Variants in PCDH7 observed in about 807,000 individuals in gnomAD.
PCDH7 encodes protocadherin 7, also known as protocadherin-7.
In PCDH7, 17 loss-of-function variants were observed where a neutral mutation model predicts 58.9. The ratio of observed to expected loss-of-function variants is 0.29; its 90% CI spans 0.20 to 0.43. The LOEUF is 0.43. Ranked by LOEUF, PCDH7 falls within the 20% of genes least tolerant of loss-of-function variation. The pLI is 1.00. For synonymous variants in PCDH7, 664 were observed against 616.4 expected, an observed-to-expected ratio of 1.08 and a Z score of -1.14; for missense variants, 1,274 against 1,441.0, an observed-to-expected ratio of 0.88 and a Z score of 1.88.
chr4:31,006,328 T>C (rs2109144771), intron 3 of PCDH7, among the ~76,000 whole-genome samples: 1 of 152,228 alleles, frequency 6.6e-6, no homozygotes, highest in Non-Finnish European at 1.5e-5. Context: ...ATGCACAAAA[T>C]TGAAAATGAT....
intron 1 of PCDH7, chr4:30,724,896 T>C: frequency 8.5e-7 from 1 of 1,170,356 alleles, no homozygotes; most frequent in Non-Finnish European, 1.1e-6. Context: ...TTTTTTTGTT[T>C]CCAGAATAAA....
intron 3 of PCDH7, among the ~76,000 whole-genome samples, chr4:30,972,400 C>T (rs2109474468): frequency 6.6e-6 from 1 of 151,894 alleles, no homozygotes; most frequent in South Asian, 2.1e-4. Context: ...CTAAGTCTGT[C>T]CTACAGTTAA....
intron 3 of PCDH7, among the ~76,000 whole-genome samples, chr4:31,100,583 A>G (rs973539684): frequency 6.6e-6 from 1 of 152,168 alleles, no homozygotes; most frequent in African/African-American, 2.4e-5. Flanking sequence ...GTATCTTAGG[A>G]ACAATCTGGT....
intron 3 of PCDH7, among the ~76,000 whole-genome samples, chr4:31,055,567 GT>G (rs531705257): frequency 6.6e-6 from 1 of 151,922 alleles, no homozygotes; most frequent in South Asian, 2.1e-4. Context: ...TAAAGGCTTT[GT>G]TTTTTTATTT....
At chr4:31,039,656 C>A (rs1180541165) in intron 3 of PCDH7, among the ~76,000 whole-genome samples, 3 of 152,082 alleles carry the variant, frequency 2.0e-5, no homozygotes, top group African/African-American at 7.2e-5. Flanking sequence ...ATCTCTGGAA[C>A]AATATAAGAG....
At chr4:30,829,893 A>G (rs1381586887) in intron 1 of PCDH7, among the ~76,000 whole-genome samples, 2 of 152,146 alleles carry the variant, frequency 1.3e-5, no homozygotes, top group African/African-American at 2.4e-5. Flanking sequence ...ATTCATTATA[A>G]TATGACAGTT....
At chr4:30,810,375 T>A (rs146787404) in intron 1 of PCDH7, among the ~76,000 whole-genome samples, 37 of 152,194 alleles carry the variant, frequency 2.4e-4, no homozygotes, top group African/African-American at 8.4e-4. Context: ...TATAGCAATA[T>A]GAAATAGCTA....
intron 1 of PCDH7, among the ~76,000 whole-genome samples, chr4:30,895,292 G>A (rs1377750383): frequency 2.0e-5 from 3 of 151,760 alleles, no homozygotes; most frequent in Non-Finnish European, 4.4e-5. Context: ...TTTTACTATA[G>A]GTCTATAGCA....
chr4:30,979,325 CAA>C (rs80272564), intron 3 of PCDH7, among the ~76,000 whole-genome samples: 29 of 96,576 alleles, frequency 3.0e-4, no homozygotes, highest in Middle Eastern at 6.0e-3. Context: ...AACTCTGTCT[CAA>C]AAAAAAAAAA....
At chr4:31,042,528 C>T (rs924531321) in intron 3 of PCDH7, among the ~76,000 whole-genome samples, 1 of 151,962 alleles carries the variant, frequency 6.6e-6, no homozygotes. Flanking sequence ...TTATGCAGAT[C>T]GTTTCAAGAA....
chr4:31,009,228 CAT>C (rs1046600503), intron 3 of PCDH7, among the ~76,000 whole-genome samples: 1 of 151,986 alleles, frequency 6.6e-6, no homozygotes, highest in African/African-American at 2.4e-5. Context: ...AATTGTCAAA[CAT>C]ATGAGATTAG....
intron 3 of PCDH7, among the ~76,000 whole-genome samples, chr4:31,039,588 T>C (rs1755682080): frequency 1.3e-5 from 2 of 152,134 alleles, no homozygotes; most frequent in Non-Finnish European, 2.9e-5. Flanking sequence ...TTGCTGCCTC[T>C]TCTCTACAGT....
At chr4:30,830,409 ATGAT>A (rs1729624387) in intron 1 of PCDH7, among the ~76,000 whole-genome samples, 1 of 138,048 alleles carries the variant, frequency 7.2e-6, no homozygotes, top group African/African-American at 3.0e-5. Flanking sequence ...CATCCTGCTG[ATGAT>A]GGATTTAGAT....
intron 1 of PCDH7, among the ~76,000 whole-genome samples, chr4:30,826,639 T>C (rs973253648): frequency 3.9e-5 from 6 of 152,164 alleles, no homozygotes; most frequent in Non-Finnish European, 8.8e-5. Flanking sequence ...CTACCCAATG[T>C]TGTAGACCAT....
chr4:31,005,529 A>C (rs182286898), intron 3 of PCDH7, among the ~76,000 whole-genome samples: 75 of 152,322 alleles, frequency 4.9e-4, no homozygotes, highest in African/African-American at 1.8e-3. Flanking sequence ...ATTGGGAAGT[A>C]ATGATTTGCC....
At chr4:31,076,594 T>C (rs1315698346) in intron 3 of PCDH7, among the ~76,000 whole-genome samples, 2 of 152,226 alleles carry the variant, frequency 1.3e-5, no homozygotes, top group Non-Finnish European at 2.9e-5. Context: ...AACAAACCAA[T>C]TCTAAGAAAG....
At chr4:30,926,316 CT>C (rs1324325037) in intron 2 of PCDH7, among the ~76,000 whole-genome samples, 1 of 151,886 alleles carries the variant, frequency 6.6e-6, no homozygotes, top group Non-Finnish European at 1.5e-5. Flanking sequence ...TCCAGAGTAG[CT>C]GGGACTATAG....
chr4:30,748,926 A>G (rs530379088), intron 1 of PCDH7, among the ~76,000 whole-genome samples: 1 of 152,166 alleles, frequency 6.6e-6, no homozygotes, highest in African/African-American at 2.4e-5. Context: ...AATAAGATGT[A>G]GTTATATCTG....
chr4:31,034,718 G>A (rs150726205), intron 3 of PCDH7, among the ~76,000 whole-genome samples: 11 of 151,992 alleles, frequency 7.2e-5, no homozygotes, highest in African/African-American at 2.4e-4. Flanking sequence ...TAATCTCGCC[G>A]TCTGTTTCAC....
Sources: gnomAD v4.1 joint callset for allele counts (sites outside exome capture counted in the v4.1 genomes callset) on GRCh38, gnomAD v4.1.1 for gene constraint, MANE v1.5 for transcripts, NCBI Gene and HGNC (gene_info 2026-07-23, HGNC 2026-07-21) for gene names.